Variants in LYZL1 observed in about 807,000 individuals in gnomAD.
LYZL1 encodes the protein lysozyme like 1.
A neutral mutation model predicts 17.9 loss-of-function variants in LYZL1; 16 were observed. The observed-to-expected ratio is 0.90, with a 90% confidence interval of 0.61 to 1.36. The LOEUF is 1.36. LYZL1 is among the 40% of genes most tolerant of loss of function. The probability of loss-of-function intolerance (pLI) is 0.00; values close to 1 mark genes in which losing one functional copy is unlikely to be tolerated. For missense variants in LYZL1, 149 were observed against 188.4 expected (o/e 0.79, Z 1.22); for synonymous variants, 58 against 71.8 (o/e 0.81, Z 0.97).
chr10:29,296,673 C>A (rs1363132951), intron 3 of LYZL1, among the ~76,000 whole-genome samples: 1 of 152,092 alleles, frequency 6.6e-6, no homozygotes, highest in Non-Finnish European at 1.5e-5. Flanking sequence ...CCACTCAGAC[C>A]CCACAATGAT....
intron 3 of LYZL1, among the ~76,000 whole-genome samples, chr10:29,297,503 C>A (rs935097617): frequency 2.0e-5 from 3 of 152,116 alleles, no homozygotes; most frequent in Non-Finnish European, 4.4e-5. Context: ...CAGAAATAAA[C>A]AATTCATAAC....
intron 3 of LYZL1, among the ~76,000 whole-genome samples, chr10:29,303,037 G>A (rs545873552): frequency 2.4e-4 from 36 of 152,260 alleles, no homozygotes; most frequent in Middle Eastern, 3.4e-3. Context: ...ATTCCCTTGG[G>A]CTAGTCAGAA....
chr10:29,290,116 C>T (rs1564387629), intron 1 of LYZL1, among the ~76,000 whole-genome samples: 1 of 152,128 alleles, frequency 6.6e-6, no homozygotes, highest in African/African-American at 2.4e-5. Flanking sequence ...CCTAGCCTTT[C>T]AATGCAGGAA....
downstream of LYZL1, among the ~76,000 whole-genome samples, chr10:29,313,665 C>T (rs988614021): frequency 2.6e-5 from 4 of 152,174 alleles, no homozygotes; most frequent in Non-Finnish European, 5.9e-5. Flanking sequence ...AATACATTTT[C>T]CCAGATAATT....
At chr10:29,306,300 C>G (rs1835588441) in intron 3 of LYZL1, among the ~76,000 whole-genome samples, 4 of 137,404 alleles carry the variant, frequency 2.9e-5, no homozygotes, top group Admixed American at 2.9e-4. Context: ...CCTGTAATCC[C>G]AGCACTTTGG....
intron 3 of LYZL1, among the ~76,000 whole-genome samples, chr10:29,293,670 A>G (rs1835407905): frequency 6.6e-6 from 1 of 152,134 alleles, no homozygotes; most frequent in Admixed American, 6.6e-5. Context: ...GAGGAAAGTG[A>G]CAGTATTAAG....
rs16930136 is a variant in LYZL1 at position 29,309,478 on chromosome 10, T to C, written c.299-632T>C. On this transcript the variant is annotated intron_variant, in intron 3 of 4. Transcript: ENST00000649382. Reference sequence around the variant, plus strand: ...CAAACTAACCCACATAGAGAAAACATTGTGCTATCCTGTCTTATGTGCCAT... The same window carrying C: ...CAAACTAACCCACATAGAGAAAACACTGTGCTATCCTGTCTTATGTGCCAT... Among the ~76,000 whole-genome samples the C allele has an allele frequency of 7.6e-3, 1,155 of 152,292 alleles. 53 individuals carry two copies. In the East Asian group the frequency reaches 0.1, roughly 13 times the overall value.
intron 3 of LYZL1, among the ~76,000 whole-genome samples, chr10:29,316,819 T>G (rs1333722358): frequency 1.3e-5 from 2 of 151,758 alleles, no homozygotes; most frequent in Non-Finnish European, 2.9e-5. Context: ...CAGGCTCAAG[T>G]GAGCCTCCCT....
At chr10:29,305,114 C>A (rs1225724200) in intron 3 of LYZL1, among the ~76,000 whole-genome samples, 1 of 152,106 alleles carries the variant, frequency 6.6e-6, no homozygotes, top group Non-Finnish European at 1.5e-5. Flanking sequence ...GTCCCTCCAA[C>A]CTCTAGAGAC....
chr10:29,304,746 T>G (rs979301997), intron 3 of LYZL1, among the ~76,000 whole-genome samples: 1 of 152,032 alleles, frequency 6.6e-6, no homozygotes, highest in African/African-American at 2.4e-5. Flanking sequence ...TGGCTATTTC[T>G]TGTAACAACA....
rs1302925513 is a variant in LYZL1 at position 29,306,406 on chromosome 10, C to T, written c.299-3704C>T. 5.4e-5 allele frequency among the ~76,000 whole-genome samples: 8 copies of T among 146,936 alleles called. 2 individuals are homozygous for T. Among genetic ancestry groups the T allele is most frequent in the African/African-American group, 7.6e-5 (3 of 39,722 alleles). Reference sequence around the variant, plus strand: ...TCTACTAAAAATACAAAAAATTAGCCGGGCGTAGTGGCGGGCGCCTGTAGT... The same window carrying T: ...TCTACTAAAAATACAAAAAATTAGCTGGGCGTAGTGGCGGGCGCCTGTAGT... On this transcript the variant is annotated intron_variant, in intron 3 of 4. Transcript: ENST00000649382.
chr10:29,306,549 CAAAAAAAA>C lies in LYZL1; in HGVS notation c.299-3542_299-3535del, dbSNP rs58001118. The stretch of plus-strand genomic sequence containing the variant: ...TGGGCGACAGAGCGAGACTCCGTCT[CAAAAAAAA>C]AAAAAAAAAAAAAAAAAAGAAAAAA... On this transcript the variant is annotated intron_variant, in intron 3 of 4. Coordinates refer to ENST00000649382, the MANE Select transcript of LYZL1 (RefSeq NM_032517.6). 6.6e-4 allele frequency among the ~76,000 whole-genome samples: 32 copies of C among 48,792 alleles called. 1 individual carries two copies. Among genetic ancestry groups the C allele is most frequent in the Non-Finnish European group, 1.8e-4 (5 of 27,966 alleles). The allele number at this position is 48,792 out of a possible 152,430, so 32.0% of individuals were successfully genotyped here.
intron 3 of LYZL1, among the ~76,000 whole-genome samples, chr10:29,302,000 C>T (rs548490838): frequency 5.3e-5 from 8 of 151,986 alleles, no homozygotes; most frequent in South Asian, 4.2e-4. Flanking sequence ...GGCAAACTTT[C>T]GTATCTCTCA....
At chr10:29,316,047 C>T (rs1474287775), downstream of LYZL1, among the ~76,000 whole-genome samples, 1 of 152,092 alleles carries the variant, frequency 6.6e-6, no homozygotes, top group Non-Finnish European at 1.5e-5. Context: ...CAGTTCTTTA[C>T]ACACAGCGAT....
intron 3 of LYZL1, among the ~76,000 whole-genome samples, chr10:29,307,923 G>T (rs935795131): frequency 6.6e-6 from 1 of 152,156 alleles, no homozygotes; most frequent in Non-Finnish European, 1.5e-5. Context: ...CTAAGACGTT[G>T]AATCCATTAT....
intron 4 of LYZL1, among the ~76,000 whole-genome samples, chr10:29,317,804 G>A (rs1835748703): frequency 6.6e-6 from 1 of 152,110 alleles, no homozygotes. Flanking sequence ...TTTACCTGGG[G>A]ATGGTGGCAC....
downstream of LYZL1, among the ~76,000 whole-genome samples, chr10:29,312,957 A>G (rs1835690401): frequency 6.6e-6 from 1 of 152,188 alleles, no homozygotes; most frequent in South Asian, 2.1e-4. Flanking sequence ...GAAAGTCTCC[A>G]CTGATGAGAC....
At chr10:29,293,867 G>A (rs1263970849) in intron 3 of LYZL1, among the ~76,000 whole-genome samples, 1 of 151,932 alleles carries the variant, frequency 6.6e-6, no homozygotes, top group East Asian at 1.9e-4. Flanking sequence ...CCAGCTACTC[G>A]GGAGGCTGAA....
At chr10:29,297,704 C>T (rs887264379) in intron 3 of LYZL1, among the ~76,000 whole-genome samples, 1 of 152,150 alleles carries the variant, frequency 6.6e-6, no homozygotes, top group African/African-American at 2.4e-5. Flanking sequence ...TGGTACTATT[C>T]ATCATTTCAG....
Sources: allele counts gnomAD v4.1 joint callset (sites outside exome capture counted in the v4.1 genomes callset), GRCh38; gene constraint gnomAD v4.1.1; transcripts MANE v1.5; gene names NCBI Gene and HGNC (gene_info 2026-07-23, HGNC 2026-07-21).